MAPKAPK2: variants seen among roughly 807,000 people sequenced by gnomAD.
MAPKAPK2 encodes MAP kinase-activated protein kinase 2.
A neutral mutation model predicts 48.8 loss-of-function variants in MAPKAPK2; 9 were observed. That is an observed-to-expected ratio of 0.18 (90% CI 0.11 to 0.32). MAPKAPK2 has a LOEUF of 0.32. Among genes scored for constraint, MAPKAPK2 ranks in the 10% least tolerant of loss-of-function variants. The probability of loss-of-function intolerance (pLI) is 1.00; values close to 1 mark genes in which losing one functional copy is unlikely to be tolerated. For missense variants in MAPKAPK2, 331 were observed against 498.3 expected (o/e 0.66, Z 3.20); for synonymous variants, 202 against 190.6 (o/e 1.06, Z -0.49).
At chr1:206,709,548 T>C (rs74147686) in intron 1 of MAPKAPK2, among the ~76,000 whole-genome samples, 2,018 of 152,320 alleles carry the variant, frequency 0.013, 35 homozygotes, top group African/African-American at 0.046. Flanking sequence ...AGTTAATGTT[T>C]GTAAAAATAC....
chr1:206,706,875 C>T (rs1231767196), intron 1 of MAPKAPK2, among the ~76,000 whole-genome samples: 4 of 151,808 alleles, frequency 2.6e-5, no homozygotes, highest in African/African-American at 7.3e-5. Flanking sequence ...GTGTCTGAGC[C>T]CCTTCCCTAC....
At chr1:206,718,744 T>G (rs992454835) in intron 1 of MAPKAPK2, among the ~76,000 whole-genome samples, 1 of 152,140 alleles carries the variant, frequency 6.6e-6, no homozygotes, top group Non-Finnish European at 1.5e-5. Context: ...TTGGTAGGCA[T>G]TTAGGTTATT....
intron 1 of MAPKAPK2, among the ~76,000 whole-genome samples, chr1:206,699,981 TTC>T (rs1471399833): frequency 2.1e-4 from 32 of 151,978 alleles, no homozygotes; most frequent in East Asian, 5.8e-4. Flanking sequence ...TCTTCTTTTT[TTC>T]TCTTTCTTTC....
intron 4 of MAPKAPK2, 109 bp downstream of exon 4, chr1:206,729,584 C>T (rs1673831663): frequency 2.2e-6 from 2 of 922,108 alleles, no homozygotes; most frequent in Admixed American, 1.9e-5. Context: ...CTGCCTGGTT[C>T]CTGAGCATGC....
chr1:206,713,433 G>A (rs1212902525), intron 1 of MAPKAPK2, among the ~76,000 whole-genome samples: 1 of 152,220 alleles, frequency 6.6e-6, no homozygotes, highest in African/African-American at 2.4e-5. Flanking sequence ...GGAAGACTAA[G>A]TTAGGGAATT....
rs368619348 is a variant in MAPKAPK2 at position 206,728,775 on chromosome 1, G to A, written c.345G>A (p.Pro115=). 2.7e-5 allele frequency: 44 copies of A among 1,613,792 alleles called. No individual in the cohort carries two copies. The highest frequency in any genetic ancestry group is 5.3e-5 in the African/African-American group (4 of 74,936). ...VELHWRASQC[P]HIVRIVDVYE... ...TGCACTGGCGGGCCTCCCAGTGCCC[G>A]CACATCGTACGGATCGTGGATGTGT... The change falls in exon 2 of 10, where the codon CCG becomes CCA. Residue 115 remains proline (P), a synonymous_variant. Transcript: ENST00000367103.
At chr1:206,718,511 C>T (rs186936997) in intron 1 of MAPKAPK2, among the ~76,000 whole-genome samples, 229 of 134,754 alleles carry the variant, frequency 1.7e-3, no homozygotes, top group African/African-American at 5.9e-3. Context: ...CCAGCCTGGG[C>T]GACAGAGCAA....
intron 1 of MAPKAPK2, among the ~76,000 whole-genome samples, chr1:206,708,897 A>C (rs1673048480): frequency 6.6e-6 from 1 of 152,326 alleles, no homozygotes; most frequent in East Asian, 1.9e-4. Context: ...TTTTGTGTGA[A>C]TTTCATCTGC....
intron 1 of MAPKAPK2, chr1:206,696,249 CT>C: frequency 1.5e-6 from 2 of 1,376,250 alleles, no homozygotes; most frequent in Non-Finnish European, 1.0e-6. Context: ...CCTTCTTTTC[CT>C]TCCCCTTTCA....
Position 206,731,306 on chromosome 1 carries a change from G to A in MAPKAPK2, c.892+44G>A. ...AGGACAAGGGGAAGAGCCCGTGTGT[G>A]TGTGTGTGTGTGTATGTGTGTACAC... On this transcript the variant is annotated intron_variant, in intron 7 of 9. Coordinates refer to ENST00000367103, the MANE Select transcript of MAPKAPK2 (RefSeq NM_032960.4). The surrounding 1 kb of genome is among the most constrained non-coding windows in gnomAD (Gnocchi z 5.9). 1 of 1,610,240 alleles carries A rather than the reference G, an allele frequency of 6.2e-7. No individual in the cohort carries two copies. The highest frequency in any genetic ancestry group is 1.1e-5 in the South Asian group (1 of 90,792).
chr1:206,730,117 C>G lies in MAPKAPK2; in HGVS notation c.691+19C>G, dbSNP rs1553432433. 6.2e-7 allele frequency: 1 copy of G among 1,613,964 alleles called. No individual in the cohort carries two copies. Among genetic ancestry groups the G allele is most frequent in the Non-Finnish European group, 8.5e-7 (1 of 1,179,988 alleles). ...TATGTGGGTAAGTCCACAGGGGGCC[C>G]AGGGACCTAGGCTTTTCCCAGAACT... On this transcript the variant is annotated intron_variant, in intron 5 of 9. Transcript: ENST00000367103.
chr1:206,730,208 C>T, intron 5 of MAPKAPK2, 110 bp downstream of exon 5: 1 of 1,335,310 alleles, frequency 7.5e-7, no homozygotes. Flanking sequence ...GTCTGTATGG[C>T]CCCTTCTGGT....
Position 206,731,472 on chromosome 1 carries a change from A to G in MAPKAPK2, c.893-168A>G. On this transcript the variant is annotated intron_variant, in intron 7 of 9. Transcript: ENST00000367103. This position sits in a 1 kb window ranked among gnomAD's most constrained non-coding sequence, Gnocchi z 5.9. ...CAGGGCCAAGGCTGTGGGGCTGTGC[A>G]GGGCCTCTCAAGTGGTACAGCCGTA... 8.9e-7 allele frequency: 1 copy of G among 1,117,660 alleles called. No individual in the cohort carries two copies. Among genetic ancestry groups the G allele is most frequent in the Non-Finnish European group, 1.3e-6 (1 of 767,890 alleles). 69.2% of individuals were successfully genotyped at this position (1,117,660 alleles called of 1,614,324 possible).
chr1:206,725,886 A>G (rs1558586835), intron 1 of MAPKAPK2, among the ~76,000 whole-genome samples: 1 of 152,080 alleles, frequency 6.6e-6, no homozygotes, highest in African/African-American at 2.4e-5. Context: ...CTCCCCTCAT[A>G]TCTTCTTCTG....
At chr1:206,717,192 C>T (rs1673361701) in intron 1 of MAPKAPK2, among the ~76,000 whole-genome samples, 1 of 152,196 alleles carries the variant, frequency 6.6e-6, no homozygotes, top group African/African-American at 2.4e-5. Flanking sequence ...GCTTTATTAC[C>T]TACTAGCCAT....
intron 1 of MAPKAPK2, among the ~76,000 whole-genome samples, chr1:206,710,760 A>C (rs1157400981): frequency 6.6e-6 from 1 of 152,250 alleles, no homozygotes; most frequent in African/African-American, 2.4e-5. Context: ...AGCAGATCCA[A>C]ACTTAGAAAG....
chr1:206,729,570 C>G, intron 4 of MAPKAPK2, 95 bp downstream of exon 4: 1 of 1,065,930 alleles, frequency 9.4e-7, no homozygotes. Flanking sequence ...ACCCTGCGTC[C>G]TTGCTGCCTG....
chr1:206,707,078 T>G (rs531137766), intron 1 of MAPKAPK2, among the ~76,000 whole-genome samples: 6 of 152,260 alleles, frequency 3.9e-5, no homozygotes, highest in Admixed American at 3.9e-4. Context: ...CCCACAGGTC[T>G]TCTTCTTGTT....
chr1:206,697,531 C>T (rs140284500), intron 1 of MAPKAPK2, among the ~76,000 whole-genome samples: 1 of 151,524 alleles, frequency 6.6e-6, no homozygotes, highest in Admixed American at 6.6e-5. Context: ...GAAGAGGGAG[C>T]ATGGGGGTGG....
Sources: allele counts gnomAD v4.1 joint callset (sites outside exome capture counted in the v4.1 genomes callset), GRCh38; gene constraint gnomAD v4.1.1; non-coding constraint Gnocchi (gnomAD v3.1); transcripts MANE v1.5; gene names NCBI Gene and HGNC (gene_info 2026-07-23, HGNC 2026-07-21).